The following RABGAP1L variants were observed in gnomAD, a reference collection of about 807,000 sequenced individuals.
RABGAP1L encodes the protein RAB GTPase activating protein 1 like.
In RABGAP1L, 63 loss-of-function variants were observed where a neutral mutation model predicts 137.7. That is an observed-to-expected ratio of 0.46 (90% confidence interval 0.37 to 0.56). The LOEUF is 0.56. Ranked by LOEUF, RABGAP1L falls within the 20% of genes least tolerant of loss-of-function variation. The pLI is 0.00. For missense variants in RABGAP1L, 1,095 were observed against 1,244.0 expected, an observed-to-expected ratio of 0.88 and a Z score of 1.80; for synonymous variants, 431 against 433.7, an observed-to-expected ratio of 0.99 and a Z score of 0.08.
At position 174,588,620 on chromosome 1, in the gene RABGAP1L, A is replaced by C. The variant is rs776591716; in HGVS notation, c.1711-48755A>C. ...CCCACTACTCCCGCTACCCTTCTCAACCTATGGTAACTATCATTATATTCT... is the reference window on the plus strand; with the variant it reads ...CCCACTACTCCCGCTACCCTTCTCACCCTATGGTAACTATCATTATATTCT... On this transcript the variant is annotated intron_variant, in intron 13 of 25. Transcript: ENST00000681986. Among the ~76,000 whole-genome samples, 42 of 152,078 alleles carry C rather than the reference A, an allele frequency of 2.8e-4. 1 individual carries two copies. The highest frequency in any genetic ancestry group is 7.9e-4 in the Admixed American group (12 of 15,266).
At chr1:174,722,363 T>C (rs1360224152) in intron 17 of RABGAP1L, among the ~76,000 whole-genome samples, 2 of 152,252 alleles carry the variant, frequency 1.3e-5, no homozygotes, top group East Asian at 1.9e-4. Flanking sequence ...TTTTGTTATA[T>C]GTAAGATGTA....
At chr1:174,252,940 A>C (rs1672831556) in intron 7 of RABGAP1L, among the ~76,000 whole-genome samples, 1 of 152,176 alleles carries the variant, frequency 6.6e-6, no homozygotes, top group Non-Finnish European at 1.5e-5. Context: ...AGAAACTTTA[A>C]AAGATAGATA....
intron 18 of RABGAP1L, among the ~76,000 whole-genome samples, chr1:174,762,459 A>G (rs1685303490): frequency 6.6e-6 from 1 of 152,212 alleles, no homozygotes; most frequent in Non-Finnish European, 1.5e-5. Context: ...CTACGTTAGG[A>G]ACTTTCTGTG....
intron 1 of RABGAP1L, among the ~76,000 whole-genome samples, chr1:174,216,023 T>G (rs1425629162): frequency 6.6e-6 from 1 of 152,188 alleles, no homozygotes; most frequent in African/African-American, 2.4e-5. Context: ...TGTCATTAGG[T>G]TAAGTGAACA....
Position 174,988,780 on chromosome 1 carries a change from T to G in RABGAP1L, c.2945T>G (p.Met982Arg). The change falls in exon 25 of 26, where the codon ATG becomes AGG. Residue 982 changes from methionine to arginine, a missense_variant. By Grantham distance (91) the Met-to-Arg change is moderately conservative (BLOSUM62 -1). Coordinates refer to ENST00000681986, the MANE Select transcript of RABGAP1L (RefSeq NM_001366446.1). ...KDSLKKQLREMELELAQTKLQ... is the reference protein window; with the variant it reads ...KDSLKKQLRERELELAQTKLQ... The stretch of plus-strand genomic sequence containing the variant: ...TCACTTAAGAAGCAGCTGAGAGAGA[T>G]GGAACTGGAACTGGCACAAACCAAA... 6.5e-7 allele frequency: 1 copy of G among 1,549,564 alleles called. No individual in the cohort carries two copies. Among genetic ancestry groups the G allele is most frequent in the Non-Finnish European group, 8.7e-7 (1 of 1,146,578 alleles).
intron 8 of RABGAP1L, 47 bp from the exon 9 acceptor site, chr1:174,275,786 A>C: frequency 7.1e-7 from 1 of 1,404,154 alleles, no homozygotes; most frequent in Non-Finnish European, 9.9e-7. Context: ...TAAAGTAGTG[A>C]TTTTTTTGAT....
intron 14 of RABGAP1L, among the ~76,000 whole-genome samples, chr1:174,658,422 C>T (rs1260571269): frequency 6.6e-6 from 1 of 152,086 alleles, no homozygotes; most frequent in East Asian, 1.9e-4. Context: ...CTAGTGTTCT[C>T]CCTTCCTATA....
chr1:174,956,728 A>C (rs995176468), intron 19 of RABGAP1L, among the ~76,000 whole-genome samples: 1 of 151,550 alleles, frequency 6.6e-6, no homozygotes, highest in Non-Finnish European at 1.5e-5. Context: ...GTTCACCGCA[A>C]CCTCAGCTTC....
At chr1:174,609,780 G>C (rs1047417024) in intron 13 of RABGAP1L, among the ~76,000 whole-genome samples, 1 of 152,120 alleles carries the variant, frequency 6.6e-6, no homozygotes, top group East Asian at 1.9e-4. Context: ...ACTTTAATAA[G>C]AGTGATTTTA....
intron 15 of RABGAP1L, among the ~76,000 whole-genome samples, chr1:174,698,252 AT>A (rs1679402327): frequency 6.6e-6 from 1 of 152,168 alleles, no homozygotes; most frequent in Non-Finnish European, 1.5e-5. Context: ...AGAATATTAG[AT>A]ATGTCCCTTT....
chr1:174,388,492 TGAGA>T (rs201147109), intron 12 of RABGAP1L, among the ~76,000 whole-genome samples: 15 of 150,016 alleles, frequency 1.0e-4, no homozygotes, highest in African/African-American at 2.2e-4. Flanking sequence ...AAAGAAAGGT[TGAGA>T]GAGAGAGAGA....
intron 13 of RABGAP1L, among the ~76,000 whole-genome samples, chr1:174,621,712 T>A (rs1672489872): frequency 6.6e-6 from 1 of 152,106 alleles, no homozygotes; most frequent in African/African-American, 2.4e-5. Flanking sequence ...TCAAGATGGA[T>A]TAAAGACTTA....
intron 18 of RABGAP1L, among the ~76,000 whole-genome samples, chr1:174,769,859 AAAAG>A (rs1685977529): frequency 6.6e-6 from 1 of 152,182 alleles, no homozygotes; most frequent in East Asian, 1.9e-4. Context: ...TCTCAAAAAA[AAAAG>A]AAAGAAAAGC....
chr1:174,761,347 C>T lies in RABGAP1L; in HGVS notation c.2211+8993C>T, dbSNP rs954628306. Among the ~76,000 whole-genome samples the T allele has an allele frequency of 3.3e-5, 5 of 152,250 alleles. No homozygotes were observed. The highest frequency in any genetic ancestry group is 4.1e-4 in the South Asian group (2 of 4,834). Reference sequence around the variant, plus strand: ...TGGTTGCACAGCAGTCCGGCAGAGGCGCTCCTCACTTGCCAGACAGTGCGG... The same window carrying T: ...TGGTTGCACAGCAGTCCGGCAGAGGTGCTCCTCACTTGCCAGACAGTGCGG... On this transcript the variant is annotated intron_variant, in intron 18 of 25. Coordinates refer to ENST00000681986, the MANE Select transcript of RABGAP1L (RefSeq NM_001366446.1). The surrounding 1 kb of genome is among the most constrained non-coding windows in gnomAD (Gnocchi z 4.0).
At chr1:174,979,093 G>GT (rs1670889355) in intron 23 of RABGAP1L, among the ~76,000 whole-genome samples, 1 of 152,172 alleles carries the variant, frequency 6.6e-6, no homozygotes, top group African/African-American at 2.4e-5. Flanking sequence ...GCTGAGGCAG[G>GT]AGGATCAGTT....
chr1:174,902,443 C>T (rs1247903119), intron 19 of RABGAP1L, among the ~76,000 whole-genome samples: 11 of 152,152 alleles, frequency 7.2e-5, no homozygotes, highest in Admixed American at 2.6e-4. Context: ...GCCCACAGAA[C>T]GTCGCTGCTT....
intron 13 of RABGAP1L, among the ~76,000 whole-genome samples, chr1:174,492,040 G>C (rs770896659): frequency 3.9e-5 from 6 of 152,138 alleles, no homozygotes; most frequent in Non-Finnish European, 8.8e-5. Context: ...AAACCAGGTA[G>C]TGTGAATGCT....
chr1:174,753,724 A>G (rs1684515428), intron 18 of RABGAP1L, among the ~76,000 whole-genome samples: 3 of 152,224 alleles, frequency 2.0e-5, no homozygotes, highest in African/African-American at 7.2e-5. Flanking sequence ...GGGCTGGAAT[A>G]AGACTTTTAG....
chr1:174,712,337 T>A (rs1680609902), intron 17 of RABGAP1L, among the ~76,000 whole-genome samples: 1 of 152,202 alleles, frequency 6.6e-6, no homozygotes, highest in Non-Finnish European at 1.5e-5. Flanking sequence ...GCTGTAAGAC[T>A]CACTGCGAAG....
Sources: allele counts gnomAD v4.1 joint callset (sites outside exome capture counted in the v4.1 genomes callset), GRCh38; gene constraint gnomAD v4.1.1; non-coding constraint Gnocchi (gnomAD v3.1); transcripts MANE v1.5; gene names NCBI Gene and HGNC (gene_info 2026-07-23, HGNC 2026-07-21).